The following DIP2C variants were observed in gnomAD, a reference collection of about 807,000 sequenced individuals.
DIP2C encodes the protein disco-interacting protein 2 homolog C.
DIP2C carries 33 observed loss-of-function variants against 192.4 expected under a neutral mutation model. The ratio of observed to expected loss-of-function variants is 0.17; its 90% CI spans 0.13 to 0.23. The LOEUF (loss-of-function observed/expected upper bound fraction) is 0.23. Among genes scored for constraint, DIP2C ranks in the 10% least tolerant of loss-of-function variants. The pLI is 1.00. For missense variants in DIP2C, 1,537 were observed against 2,110.1 expected (o/e 0.73, Z 5.32); for synonymous variants, 979 against 864.1 (o/e 1.13, Z -2.33).
intron 1 of DIP2C, chr10:662,076 C>G (rs964524263): frequency 1.1e-5 from 8 of 717,248 alleles, no homozygotes; most frequent in Non-Finnish European, 2.1e-5. Context: ...ATCAAAGGCA[C>G]GATTCTCTCC....
At chr10:606,721 T>G (rs1852512732) in intron 1 of DIP2C, among the ~76,000 whole-genome samples, 1 of 152,200 alleles carries the variant, frequency 6.6e-6, no homozygotes, top group South Asian at 2.1e-4. Flanking sequence ...GCTGCCTCCT[T>G]GCAAACAACA....
chr10:465,272 G>A (rs1181311910), intron 3 of DIP2C, among the ~76,000 whole-genome samples: 1 of 144,624 alleles, frequency 6.9e-6, no homozygotes, highest in Admixed American at 7.0e-5. Context: ...TATAAACAGA[G>A]CCAAAGACAA....
intron 1 of DIP2C, among the ~76,000 whole-genome samples, chr10:572,067 G>GA (rs767224533): frequency 1.7e-4 from 26 of 152,336 alleles, no homozygotes; most frequent in Non-Finnish European, 2.6e-4. Flanking sequence ...TTTCCTCTCT[G>GA]AAAGGAGACC....
intron 1 of DIP2C, among the ~76,000 whole-genome samples, chr10:531,297 G>A (rs968315768): frequency 1.3e-5 from 2 of 151,866 alleles, no homozygotes; most frequent in Non-Finnish European, 1.5e-5. Flanking sequence ...GACATTCCAC[G>A]AACCTGATGA....
rs1958678004 is a variant in DIP2C, at chr10:349,347, G to A, written c.3093C>T (p.Ala1031=). 6.2e-7 allele frequency: 1 copy of A among 1,608,610 alleles called. No individual in the cohort carries two copies. The highest frequency in any genetic ancestry group is 1.3e-5 in the African/African-American group (1 of 74,928). Residue 1031 remains alanine (A), a synonymous_variant, in exon 25 of 37, where the codon GCC becomes GCT. Coordinates refer to ENST00000280886, the MANE Select transcript of DIP2C (RefSeq NM_014974.3). ...CGCCTGTACCTGGGGGGTAGACCAA[G>A]GCCACGTGGTCGCCGTCCTGAAGGT... ...RGHLQDGDHV[A]LVYPPGIDLI...
chr10:519,480 A>AC (rs1220766352), intron 1 of DIP2C, among the ~76,000 whole-genome samples: 1 of 151,902 alleles, frequency 6.6e-6, no homozygotes, highest in East Asian at 1.9e-4. Flanking sequence ...ATAAGGCAGG[A>AC]CCCCCACCTC....
chr10:575,670 A>G (rs963219715), intron 1 of DIP2C, among the ~76,000 whole-genome samples: 1 of 152,178 alleles, frequency 6.6e-6, no homozygotes, highest in African/African-American at 2.4e-5. Context: ...GCAGAGTCCA[A>G]GCTTGCTCAG....
chr10:521,033 A>G (rs1846673725), intron 1 of DIP2C, among the ~76,000 whole-genome samples: 1 of 152,242 alleles, frequency 6.6e-6, no homozygotes, highest in Non-Finnish European at 1.5e-5. Context: ...GGTATTACAA[A>G]AATCAAGAGA....
intron 1 of DIP2C, among the ~76,000 whole-genome samples, chr10:655,372 G>A (rs1274952051): frequency 6.6e-6 from 1 of 152,212 alleles, no homozygotes; most frequent in East Asian, 1.9e-4. Flanking sequence ...TCCTGCAGCA[G>A]TGCTACAGAA....
chr10:566,656 G>A (rs1361577520), intron 1 of DIP2C, among the ~76,000 whole-genome samples: 1 of 152,226 alleles, frequency 6.6e-6, no homozygotes, highest in Non-Finnish European at 1.5e-5. Context: ...AGCAACCCCT[G>A]GCCAAGATTT....
At chr10:679,761 ATCCCCGCACCCGTGC>A (rs1831064868) in intron 1 of DIP2C, among the ~76,000 whole-genome samples, 3 of 118,732 alleles carry the variant, frequency 2.5e-5, no homozygotes, top group Non-Finnish European at 3.6e-5. Flanking sequence ...CATGCCCATG[ATCCCCGCACCCGTGC>A]TCCCCGCACT....
At chr10:289,777 A>AC (rs369088305) in intron 32 of DIP2C, among the ~76,000 whole-genome samples, 2 of 152,210 alleles carry the variant, frequency 1.3e-5, no homozygotes, top group African/African-American at 4.8e-5. Context: ...GAGGGTGCGC[A>AC]CCCCTCTGGG....
rs115626395 is a variant in DIP2C, at chr10:650,933, G to A, written c.85+38561C>T. 1,109 of 716,416 alleles carry A rather than the reference G, an allele frequency of 1.5e-3. 8 individuals are homozygous for A. In the African/African-American group the frequency reaches 0.016, roughly 11 times the overall value. The allele number at this position is 716,416 out of a possible 1,614,324, so 44.4% of individuals were successfully genotyped here. On this transcript the variant is annotated intron_variant, in intron 1 of 36. Coordinates refer to ENST00000280886, the MANE Select transcript of DIP2C (RefSeq NM_014974.3). ...TGAGGGTGTGTCCATGCAGGACCCC[G>A]AGGCTACACAGCTCTGGCTGTTTCT...
At chr10:484,670 C>CA (rs1843865284) in intron 2 of DIP2C, 2 of 1,406,428 alleles carry the variant, frequency 1.4e-6, no homozygotes, top group South Asian at 1.4e-5. Context: ...ATGGGACCCT[C>CA]AGGCCCCCAA....
At position 534,929 on chromosome 10, in the gene DIP2C, G is replaced by A. The variant is rs369639634; in HGVS notation, c.86-48399C>T. Among the ~76,000 whole-genome samples the A allele has an allele frequency of 4.7e-4, 72 of 152,130 alleles. No homozygotes were observed. In the South Asian group the frequency reaches 8.5e-3, roughly 18 times the overall value. The stretch of plus-strand genomic sequence containing the variant: ...CTGACCTCATGATCCACCCGCCTCG[G>A]CCTCCCAAAGTGCTGGGATTACAGG... On this transcript the variant is annotated intron_variant, in intron 1 of 36. Coordinates refer to ENST00000280886, the MANE Select transcript of DIP2C (RefSeq NM_014974.3).
chr10:545,880 G>A (rs910388885), intron 1 of DIP2C, among the ~76,000 whole-genome samples: 1 of 152,194 alleles, frequency 6.6e-6, no homozygotes, highest in African/African-American at 2.4e-5. Context: ...CAGATTAGAA[G>A]GTACACTGAA....
rs145500543 is a variant in DIP2C at position 384,556 on chromosome 10, G to A, written c.1746C>T (p.Cys582=). 1,334 of 1,613,774 alleles carry A rather than the reference G, an allele frequency of 8.3e-4. 9 individuals are homozygous for A. In the African/African-American group the frequency reaches 0.012, roughly 15 times the overall value. Residue 582 remains cysteine (C), a synonymous_variant, in exon 15 of 37, where the codon TGC becomes TGT. Transcript: ENST00000280886. ...VNPLSWIQKV[C]QYKAKVACVK... ...CCCGGCGAGACCCACCTTTGTACTG[G>A]CAGACCTTCTGGATCCAGGAGAGAG... is the stretch of plus-strand genomic sequence containing the variant.
intron 1 of DIP2C, among the ~76,000 whole-genome samples, chr10:670,506 G>A (rs1422157415): frequency 2.0e-5 from 3 of 152,216 alleles, no homozygotes; most frequent in African/African-American, 7.2e-5. Flanking sequence ...GTTCTGGAAT[G>A]TTCCAGAGAC....
At chr10:472,727 C>A (rs112972659) in intron 2 of DIP2C, among the ~76,000 whole-genome samples, 178 bp from the exon 3 acceptor site, 1 of 152,312 alleles carries the variant, frequency 6.6e-6, no homozygotes, top group African/African-American at 2.4e-5. Flanking sequence ...AGCTCTCCCA[C>A]CGCCAGGGAG....
Sources: gnomAD v4.1 joint callset for allele counts (sites outside exome capture counted in the v4.1 genomes callset) on GRCh38, gnomAD v4.1.1 for gene constraint, MANE v1.5 for transcripts, NCBI Gene and HGNC (gene_info 2026-07-23, HGNC 2026-07-21) for gene names.